Variants in STRN3 observed in about 807,000 individuals in gnomAD.
The protein encoded by STRN3 is striatin 3, also known as striatin-3.
In STRN3, 29 loss-of-function variants were observed where a neutral mutation model predicts 95.6. The ratio of observed to expected loss-of-function variants is 0.30; its 90% CI spans 0.23 to 0.41. The LOEUF is 0.41. Among genes scored for constraint, STRN3 ranks in the 10% least tolerant of loss-of-function variants. STRN3 has a pLI of 1.00. For synonymous variants in STRN3, 331 were observed against 357.6 expected (o/e 0.93, Z 0.84); for missense variants, 890 against 972.1 (o/e 0.92, Z 1.12).
chr14:30,999,522 A>C (rs183721801), intron 1 of STRN3, among the ~76,000 whole-genome samples: 1 of 152,386 alleles, frequency 6.6e-6, no homozygotes, highest in African/African-American at 2.4e-5. Context: ...TGGGAAGTAC[A>C]GAAACTGAAA....
chr14:30,986,946 T>C (rs1881720566), intron 1 of STRN3, among the ~76,000 whole-genome samples: 1 of 152,262 alleles, frequency 6.6e-6, no homozygotes, highest in Admixed American at 6.5e-5. Context: ...TTTTTTTATA[T>C]TTTGGTATCT....
intron 12 of STRN3, 152 bp downstream of exon 12, chr14:30,911,625 A>G: frequency 2.8e-6 from 2 of 722,510 alleles, no homozygotes; most frequent in Non-Finnish European, 4.4e-6. Flanking sequence ...TTATATTCAT[A>G]GTCTCACCAA....
intron 1 of STRN3, among the ~76,000 whole-genome samples, chr14:31,017,898 AAAC>A (rs1883317312): frequency 6.6e-6 from 1 of 152,010 alleles, no homozygotes; most frequent in Non-Finnish European, 1.5e-5. Context: ...CAACATGGTG[AAAC>A]CCCGTATCTA....
At chr14:30,915,389 GCT>G (rs1185894269) in intron 9 of STRN3, among the ~76,000 whole-genome samples, 15 of 152,112 alleles carry the variant, frequency 9.9e-5, no homozygotes, top group African/African-American at 1.7e-4. Flanking sequence ...CTAAAATGCA[GCT>G]CTGATTCAGT....
intron 1 of STRN3, among the ~76,000 whole-genome samples, chr14:30,975,711 T>C (rs28535014): frequency 0.64 from 96,494 of 151,724 alleles, 31,669 homozygotes; most frequent in Non-Finnish European, 0.73. Flanking sequence ...CACATGCCAA[T>C]AGTCCCAGCT....
chr14:30,948,184 T>C (rs183268597), intron 4 of STRN3, among the ~76,000 whole-genome samples: 3 of 152,194 alleles, frequency 2.0e-5, no homozygotes, highest in Non-Finnish European at 4.4e-5. Flanking sequence ...GGTTACATGA[T>C]GGGTACATTC....
At chr14:30,931,529 A>T (rs1878537457) in intron 7 of STRN3, among the ~76,000 whole-genome samples, 1 of 152,228 alleles carries the variant, frequency 6.6e-6, no homozygotes. Context: ...ATAAATTTGT[A>T]ACTAACTTTA....
chr14:30,952,121 C>A (rs200454999), intron 3 of STRN3, among the ~76,000 whole-genome samples: 157 of 148,154 alleles, frequency 1.1e-3, no homozygotes, highest in Middle Eastern at 7.0e-3. Flanking sequence ...CTGTCTTAAA[C>A]AACAAAAAAA....
At chr14:30,995,282 T>C (rs185791302) in intron 1 of STRN3, among the ~76,000 whole-genome samples, 130 of 152,010 alleles carry the variant, frequency 8.6e-4, no homozygotes, top group Non-Finnish European at 1.7e-3. Flanking sequence ...GCATATTGTT[T>C]AACAAAGTTC....
rs528157875 is a variant in STRN3 at position 30,894,949 on chromosome 14, C to G, written c.*462G>C. ...TAAAAGGGAATCTGTGGCATTCAAC[C>G]GATAAACAGAAGATCACTAAGAGAT... On this transcript the variant is annotated 3_prime_UTR_variant, in exon 18 of 18. Transcript: ENST00000357479. 1.3e-5 allele frequency: 14 copies of G among 1,073,554 alleles called. No individual in the cohort carries two copies. Among genetic ancestry groups the G allele is most frequent in the Non-Finnish European group, 1.6e-5 (14 of 859,602 alleles). The allele number at this position is 1,073,554 out of a possible 1,614,324, so 66.5% of individuals were successfully genotyped here.
In STRN3 at chr14:30,966,645, A is replaced by G. The variant is rs571381505; in HGVS notation, c.283-10403T>C. ...GGAAGGAGAAGCCGCAGGAGCTGGTAAAGTACTTCCTTTGTGGTCAAATTC... is the reference window on the plus strand; with the variant it reads ...GGAAGGAGAAGCCGCAGGAGCTGGTGAAGTACTTCCTTTGTGGTCAAATTC... On this transcript the variant is annotated intron_variant, in intron 1 of 17. Transcript: ENST00000357479. Among the ~76,000 whole-genome samples the G allele has an allele frequency of 2.0e-5, 3 of 152,298 alleles. No individual in the cohort carries two copies. In the East Asian group the frequency reaches 5.8e-4, roughly 29 times the overall value.
chr14:30,914,166 T>A (rs564689702), intron 9 of STRN3, among the ~76,000 whole-genome samples: 1 of 152,150 alleles, frequency 6.6e-6, no homozygotes. Context: ...TAAAAACTAG[T>A]ACAAACATTG....
At position 30,911,488 on chromosome 14, in the gene STRN3, A is replaced by C. The variant is rs143925202; in HGVS notation, c.1598+289T>G. 1.8e-3 allele frequency among the ~76,000 whole-genome samples: 275 copies of C among 152,102 alleles called. 5 individuals carry two copies. The East Asian group carries it at 0.032, about 18-fold the overall frequency. ...AGCTAATTTTTGTATTTTGTGGTAG[A>C]GACGGAGTTTCACCATGTTGGCCAG... On this transcript the variant is annotated intron_variant, in intron 12 of 17. Coordinates refer to ENST00000357479, the MANE Select transcript of STRN3 (RefSeq NM_001083893.2).
chr14:30,999,289 C>A (rs1882339379), intron 1 of STRN3, among the ~76,000 whole-genome samples: 1 of 152,174 alleles, frequency 6.6e-6, no homozygotes, highest in South Asian at 2.1e-4. Flanking sequence ...TCAAGCGATC[C>A]TCCCACCTCG....
At chr14:30,917,554 T>TA (rs71430903) in intron 9 of STRN3, among the ~76,000 whole-genome samples, 1,435 of 139,706 alleles carry the variant, frequency 0.01, 6 homozygotes, top group Non-Finnish European at 0.015. Context: ...TGCATAAAAT[T>TA]AAAAAAAAAA....
intron 1 of STRN3, among the ~76,000 whole-genome samples, chr14:31,006,122 A>C (rs2139305497): frequency 6.6e-6 from 1 of 150,874 alleles, no homozygotes; most frequent in African/African-American, 2.4e-5. Context: ...CTGTCTCAAA[A>C]AAAAAAAAAA....
At position 30,895,414 on chromosome 14, in the gene STRN3, T is replaced by C. The variant is rs1283410471; in HGVS notation, c.2391A>G (p.Val797=). Residue 797 remains valine, a synonymous_variant, in exon 18 of 18, where the codon GTA becomes GTG. Transcript: ENST00000357479. Reference sequence around the variant, plus strand: ...TACGATGCAAGTTTTTGTTGATTCATACAAATACTTTGGCAAGAGCATCAG... The same window carrying C: ...TACGATGCAAGTTTTTGTTGATTCACACAAATACTTTGGCAAGAGCATCAG... ...AGADALAKVF[V] 2.5e-6 allele frequency: 4 copies of C among 1,602,170 alleles called. No homozygotes were observed. Among genetic ancestry groups the C allele is most frequent in the Non-Finnish European group, 3.4e-6 (4 of 1,173,354 alleles).
intron 1 of STRN3, 55 bp downstream of exon 1, chr14:31,025,849 C>A (rs1883840853): frequency 3.2e-6 from 5 of 1,561,012 alleles, no homozygotes; most frequent in South Asian, 1.2e-5. Context: ...CAGCCCCACC[C>A]CCCGGCCGGG....
intron 16 of STRN3, among the ~76,000 whole-genome samples, 193 bp from the exon 17 acceptor site, chr14:30,895,941 T>G (rs550260309): frequency 1.3e-5 from 2 of 152,214 alleles, no homozygotes; most frequent in Admixed American, 1.3e-4. Context: ...ACATTCACAA[T>G]GTTACACAAC....
Sources: allele counts gnomAD v4.1 joint callset (sites outside exome capture counted in the v4.1 genomes callset), GRCh38; gene constraint gnomAD v4.1.1; transcripts MANE v1.5; gene names NCBI Gene and HGNC (gene_info 2026-07-23, HGNC 2026-07-21).